The following KLHL29 variants were observed in gnomAD, a reference collection of about 807,000 sequenced individuals.
KLHL29 encodes kelch like family member 29.
In KLHL29, 21 loss-of-function variants were observed where a neutral mutation model predicts 80.4. The observed-to-expected ratio is 0.26, with a 90% CI of 0.19 to 0.38. KLHL29 has a LOEUF of 0.38. Among genes scored for constraint, KLHL29 ranks in the 10% least tolerant of loss-of-function variants. The probability of loss-of-function intolerance (pLI) is 1.00; values close to 1 mark genes in which losing one functional copy is unlikely to be tolerated. For synonymous variants in KLHL29, 511 were observed against 526.8 expected (o/e 0.97, Z 0.41); for missense variants, 867 against 1,223.9 (o/e 0.71, Z 4.35).
intron 3 of KLHL29, among the ~76,000 whole-genome samples, chr2:23,563,793 C>T (rs1004328809): frequency 3.3e-5 from 5 of 152,224 alleles, no homozygotes; most frequent in African/African-American, 1.2e-4. Flanking sequence ...CATCTTGCTG[C>T]AGTGCCTTAT....
chr2:23,695,902 C>T lies in KLHL29; in HGVS notation c.1742-49C>T, dbSNP rs1463346758. 3 of 1,537,616 alleles carry T rather than the reference C, an allele frequency of 2.0e-6. No homozygotes were observed. The highest frequency in any genetic ancestry group is 2.6e-6 in the Non-Finnish European group (3 of 1,140,250). ...TCCAGTGAGGTGCCAGGCACAGATG[C>T]CGACAGTCTTAGAGTGTGTCCCAAG... On this transcript the variant is annotated intron_variant, in intron 9 of 13. Coordinates refer to ENST00000486442, the MANE Select transcript of KLHL29 (RefSeq NM_052920.2). This position sits in a 1 kb window ranked among gnomAD's most constrained non-coding sequence, Gnocchi z 7.6.
intron 2 of KLHL29, among the ~76,000 whole-genome samples, chr2:23,539,613 G>A (rs2103482855): frequency 6.6e-6 from 1 of 151,582 alleles, no homozygotes; most frequent in African/African-American, 2.4e-5. Context: ...GCTGATTTTT[G>A]TATTTTTTTT....
At chr2:23,401,302 G>T (rs1032636200) in intron 1 of KLHL29, among the ~76,000 whole-genome samples, 1 of 152,136 alleles carries the variant, frequency 6.6e-6, no homozygotes, top group South Asian at 2.1e-4. Context: ...ATTTATGCCG[G>T]TTTCCCTCTC....
rs566929100 is a variant in KLHL29 at position 23,681,068 on chromosome 2, C to A, written c.941-3331C>A. Among the ~76,000 whole-genome samples, 1 of 152,320 alleles carries A rather than the reference C, an allele frequency of 6.6e-6. No homozygotes were observed. The highest frequency in any genetic ancestry group is 6.5e-5 in the Admixed American group (1 of 15,310). On this transcript the variant is annotated intron_variant, in intron 5 of 13. Transcript: ENST00000486442. The surrounding 1 kb of genome is among the most constrained non-coding windows in gnomAD (Gnocchi z 4.2). ...AGGGAGGAGGGCAGCCTGTGCCCAG[C>A]GGGTCCTGGTGTCCCCTTGTGGATT...
chr2:23,451,623 C>T lies in KLHL29; in HGVS notation c.-153-23937C>T, dbSNP rs545220436. 6.6e-5 allele frequency among the ~76,000 whole-genome samples: 10 copies of T among 152,308 alleles called. 3 individuals carry two copies. Among genetic ancestry groups the T allele is most frequent in the African/African-American group, 2.4e-4 (10 of 41,570 alleles). ...ATAGAAAGTTTTTCTCCCCAGCTCC[C>T]AGTGAAAGCAGCTGTTTCCTTGTGA... On this transcript the variant is annotated intron_variant, in intron 1 of 13. Coordinates refer to ENST00000486442, the MANE Select transcript of KLHL29 (RefSeq NM_052920.2).
rs1169539598 is a variant in KLHL29 at position 23,685,956 on chromosome 2, G to C, written c.1079+1419G>C. On this transcript the variant is annotated intron_variant, in intron 6 of 13. Coordinates refer to ENST00000486442, the MANE Select transcript of KLHL29 (RefSeq NM_052920.2). The stretch of plus-strand genomic sequence containing the variant: ...GTGCTGAGCGGCAGCCTAGTCCCCA[G>C]CTAGAACGTGGTGGGTGAGAGGAGC... Among the ~76,000 whole-genome samples, 3 of 152,250 alleles carry C rather than the reference G, an allele frequency of 2.0e-5. No individual in the cohort carries two copies. In the East Asian group the frequency reaches 5.8e-4, roughly 29 times the overall value.
chr2:23,421,524 T>TTG (rs57348539), intron 1 of KLHL29, among the ~76,000 whole-genome samples: 6,211 of 143,450 alleles, frequency 0.043, 157 homozygotes, highest in Middle Eastern at 0.084. Flanking sequence ...TTAGACAAGA[T>TTG]TGTGTGTGTG....
intron 2 of KLHL29, among the ~76,000 whole-genome samples, chr2:23,537,930 A>G (rs1405948566): frequency 6.6e-6 from 1 of 152,218 alleles, no homozygotes; most frequent in Admixed American, 6.5e-5. Context: ...AAATACTTCC[A>G]AAACCCCATG....
At chr2:23,590,872 T>G (rs924513941) in intron 3 of KLHL29, among the ~76,000 whole-genome samples, 3 of 152,158 alleles carry the variant, frequency 2.0e-5, no homozygotes, top group African/African-American at 7.2e-5. Flanking sequence ...AGTGTTTATT[T>G]AGGATCTACC....
intron 3 of KLHL29, among the ~76,000 whole-genome samples, chr2:23,581,828 CAAA>C (rs58233449): frequency 1.2e-5 from 1 of 82,906 alleles, no homozygotes; most frequent in African/African-American, 4.8e-5. Flanking sequence ...AACTCTGCCT[CAAA>C]AAAAAAAAAA....
intron 1 of KLHL29, among the ~76,000 whole-genome samples, chr2:23,429,292 G>A (rs1393724442): frequency 6.6e-6 from 1 of 152,204 alleles, no homozygotes; most frequent in Non-Finnish European, 1.5e-5. Flanking sequence ...CTGGGGCCTT[G>A]GTGCCCACAT....
intron 4 of KLHL29, among the ~76,000 whole-genome samples, chr2:23,640,201 T>C (rs1669730295): frequency 6.6e-6 from 1 of 152,342 alleles, no homozygotes; most frequent in Non-Finnish European, 1.5e-5. Flanking sequence ...TTAGGATCTC[T>C]TAGACACCAG....
intron 6 of KLHL29, 199 bp from the exon 7 acceptor site, chr2:23,691,475 G>A (rs2149204057): frequency 1.7e-6 from 1 of 599,726 alleles, no homozygotes; most frequent in East Asian, 2.8e-5. Context: ...AGGGTTTTCT[G>A]TTCTTTTGGG....
intron 3 of KLHL29, among the ~76,000 whole-genome samples, chr2:23,604,059 G>A (rs183921864): frequency 2.4e-4 from 36 of 152,366 alleles, no homozygotes; most frequent in African/African-American, 7.5e-4. Context: ...GGCAGCCCCC[G>A]AGGGGACCGT....
chr2:23,494,865 C>T (rs1158247953), intron 2 of KLHL29, among the ~76,000 whole-genome samples: 1 of 152,170 alleles, frequency 6.6e-6, no homozygotes, highest in Non-Finnish European at 1.5e-5. Context: ...GCGTATCTGT[C>T]GTGCAGCTCA....
chr2:23,626,415 TC>T (rs1170092166), intron 3 of KLHL29, among the ~76,000 whole-genome samples: 2 of 152,280 alleles, frequency 1.3e-5, no homozygotes, highest in East Asian at 3.9e-4. Flanking sequence ...GTTTAAGCCA[TC>T]CAGTGATATT....
intron 2 of KLHL29, among the ~76,000 whole-genome samples, chr2:23,501,873 C>T (rs549261580): frequency 6.6e-6 from 1 of 152,334 alleles, no homozygotes; most frequent in African/African-American, 2.4e-5. Context: ...CAGAAAGCCC[C>T]CTCGTGCCCC....
chr2:23,604,844 A>G (rs1419244713), intron 3 of KLHL29, among the ~76,000 whole-genome samples: 1 of 152,106 alleles, frequency 6.6e-6, no homozygotes, highest in Non-Finnish European at 1.5e-5. Flanking sequence ...TGAGGTCCCC[A>G]TCCTGACCCA....
intron 3 of KLHL29, among the ~76,000 whole-genome samples, chr2:23,609,158 T>C (rs1668797647): frequency 6.6e-6 from 1 of 152,184 alleles, no homozygotes; most frequent in Non-Finnish European, 1.5e-5. Flanking sequence ...CCAGGCAGTG[T>C]GCTAGATGCT....
Sources: gnomAD v4.1 joint callset for allele counts (sites outside exome capture counted in the v4.1 genomes callset) on GRCh38, gnomAD v4.1.1 for gene constraint, Gnocchi (gnomAD v3.1) non-coding constraint, MANE v1.5 for transcripts, NCBI Gene and HGNC (gene_info 2026-07-23, HGNC 2026-07-21) for gene names.